The following RHAG variants were observed in gnomAD, a reference collection of about 807,000 sequenced individuals.
The protein encoded by RHAG is Rh associated glycoprotein.
In RHAG, 25 loss-of-function variants were observed where a neutral mutation model predicts 42.4. The ratio of observed to expected loss-of-function variants is 0.59; its 90% CI spans 0.43 to 0.82. The LOEUF is 0.82. RHAG is among the 40% of genes least tolerant of loss of function. The probability of loss-of-function intolerance (pLI) is 0.00; values close to 1 mark genes in which losing one functional copy is unlikely to be tolerated. For missense variants in RHAG, 483 were observed against 504.6 expected, an observed-to-expected ratio of 0.96 and a Z score of 0.41; for synonymous variants, 182 against 177.7, an observed-to-expected ratio of 1.02 and a Z score of -0.19.
At chr6:49,627,410 C>T (rs999379647) in intron 1 of RHAG, among the ~76,000 whole-genome samples, 12 of 152,182 alleles carry the variant, frequency 7.9e-5, no homozygotes, top group African/African-American at 2.9e-4. Context: ...AGTTCCCCAT[C>T]TCACTATCAC....
In RHAG at chr6:49,627,253, C is replaced by T. The variant is rs574392545; in HGVS notation, c.158-7891G>A. Among the ~76,000 whole-genome samples the T allele has an allele frequency of 5.9e-5, 9 of 152,310 alleles. No individual in the cohort carries two copies. The East Asian group carries it at 9.7e-4, about 16-fold the overall frequency. On this transcript the variant is annotated intron_variant, in intron 1 of 9. Coordinates refer to ENST00000371175, the MANE Select transcript of RHAG (RefSeq NM_000324.3). ...TAAACTTTTATGCTCTGTCACCTCTCGAATGCTTTGCTGCTAAGAAATTTC... is the reference window on the plus strand; with the variant it reads ...TAAACTTTTATGCTCTGTCACCTCTTGAATGCTTTGCTGCTAAGAAATTTC...
chr6:49,606,554 T>C (rs1444437899), intron 9 of RHAG, among the ~76,000 whole-genome samples: 1 of 152,118 alleles, frequency 6.6e-6, no homozygotes, highest in African/African-American at 2.4e-5. Flanking sequence ...ATTCAGTTTC[T>C]TTTCATTTAT....
At chr6:49,612,627 C>T (rs1762586512) in intron 5 of RHAG, 93 bp from the exon 6 acceptor site, 1 of 1,451,330 alleles carries the variant, frequency 6.9e-7, no homozygotes. Context: ...ACCCACATCA[C>T]ATTCTTCAGT....
intron 3 of RHAG, among the ~76,000 whole-genome samples, chr6:49,617,046 C>A (rs1408678312): frequency 6.6e-6 from 1 of 152,186 alleles, no homozygotes; most frequent in African/African-American, 2.4e-5. Context: ...TCAGCTAGCA[C>A]ACAGAGTTTA....
intron 1 of RHAG, among the ~76,000 whole-genome samples, chr6:49,622,569 A>G (rs943634941): frequency 1.3e-5 from 2 of 151,946 alleles, no homozygotes; most frequent in African/African-American, 4.8e-5. Context: ...CTCCTGACAC[A>G]CCATGACACC....
In RHAG at chr6:49,611,034, C is replaced by T. The variant is rs200557191; in HGVS notation, c.1057G>A (p.Ala353Thr). Residue 353 changes from alanine (A) to threonine (T), a missense_variant, in exon 7 of 10, where the codon GCC becomes ACC. By Grantham distance (58) the Ala-to-Thr change is moderately conservative. Coordinates refer to ENST00000371175, the MANE Select transcript of RHAG (RefSeq NM_000324.3). ...CATTCTTTTACTCACGTGTTGGAGG[C>T]GCCCATTGCTACTGCCACAATGCCT... ...LAGIVAVAMGASNTSMAMQAA... is the reference protein window; with the variant it reads ...LAGIVAVAMGTSNTSMAMQAA... The T allele has an allele frequency of 1.9e-4, 310 of 1,613,826 alleles. No individual in the cohort carries two copies. The highest frequency in any genetic ancestry group is 2.0e-4 in the Admixed American group (12 of 60,018).
At chr6:49,620,583 G>C (rs574417848) in intron 1 of RHAG, among the ~76,000 whole-genome samples, 1 of 152,182 alleles carries the variant, frequency 6.6e-6, no homozygotes, top group East Asian at 1.9e-4. Context: ...CCAGGATGGA[G>C]TGCAGTGGCA....
At chr6:49,620,180 C>G (rs1762729760) in intron 1 of RHAG, among the ~76,000 whole-genome samples, 2 of 152,034 alleles carry the variant, frequency 1.3e-5, no homozygotes, top group Non-Finnish European at 2.9e-5. Context: ...ACTGTGTGAC[C>G]CTGGGCAAGT....
At chr6:49,618,040 A>C (rs1162896651) in intron 3 of RHAG, 28 bp downstream of exon 3, 4 of 1,607,672 alleles carry the variant, frequency 2.5e-6, no homozygotes, top group African/African-American at 1.3e-5. Context: ...GCCCAAAGCT[A>C]GGAAAGTATA....
chr6:49,614,822 G>A lies in RHAG; in HGVS notation c.672C>T (p.Ser224=). The A allele has an allele frequency of 1.9e-6, 3 of 1,614,212 alleles. No individual in the cohort carries two copies. Among genetic ancestry groups the A allele is most frequent in the Non-Finnish European group, 2.5e-6 (3 of 1,180,032 alleles). ...GTLFLWMFWP[S]FNSAIAEPGD... is the part of the protein sequence containing the mutation. ...CAGGTTCAGCAATGGCCGAGTTAAA[G>A]CTGGGCCAAAACATCCACAGAAAGA... The change falls in exon 5 of 10, where the codon AGC becomes AGT. Residue 224 remains serine (S), a synonymous_variant. Coordinates refer to ENST00000371175, the MANE Select transcript of RHAG (RefSeq NM_000324.3).
rs146930867 is a variant in RHAG at position 49,610,247 on chromosome 6, A to G, written c.1067+777T>C. On this transcript the variant is annotated intron_variant, in intron 7 of 9. Transcript: ENST00000371175. Reference sequence around the variant, plus strand: ...ACTTAAAGTACACACAATTTAAAAAAATTGAGCATTCTGATTTTTCTTAAT... The same window carrying G: ...ACTTAAAGTACACACAATTTAAAAAGATTGAGCATTCTGATTTTTCTTAAT... Among the ~76,000 whole-genome samples, 6 of 152,284 alleles carry G rather than the reference A, an allele frequency of 3.9e-5. No homozygotes were observed. The East Asian group carries it at 9.6e-4, about 24-fold the overall frequency.
At position 49,619,040 on chromosome 6, in the gene RHAG, CCATT is replaced by C. The variant is rs1327138914; in HGVS notation, c.341+135_341+138del. ...GACCTCTTTCACAAGGACACTGATC[CCATT>C]CATAAACACTCTGCCTTCATGACCT... On this transcript the variant is annotated intron_variant, in intron 2 of 9. Coordinates refer to ENST00000371175, the MANE Select transcript of RHAG (RefSeq NM_000324.3). The C allele has an allele frequency of 1.1e-5, 10 of 906,492 alleles. No homozygotes were observed. In the East Asian group the frequency reaches 2.6e-4, roughly 24 times the overall value. 56.2% of individuals were successfully genotyped at this position (906,492 alleles called of 1,614,324 possible).
chr6:49,612,576 T>C (rs199560648), intron 5 of RHAG, 42 bp from the exon 6 acceptor site: 5 of 1,612,692 alleles, frequency 3.1e-6, no homozygotes, highest in Non-Finnish European at 4.2e-6. Context: ...AGCTGGATGA[T>C]GGAGAATTCA....
intron 1 of RHAG, among the ~76,000 whole-genome samples, chr6:49,622,053 C>G (rs1762767004): frequency 1.3e-5 from 2 of 150,878 alleles, no homozygotes; most frequent in Non-Finnish European, 2.9e-5. Context: ...GTGCAGTTAC[C>G]AAATGATATG....
At chr6:49,635,000 C>T (rs1416897635) in intron 1 of RHAG, among the ~76,000 whole-genome samples, 12 of 124,430 alleles carry the variant, frequency 9.6e-5, no homozygotes, top group South Asian at 2.6e-4. Flanking sequence ...CTGTGTGTGT[C>T]GGGGGGGTGG....
At chr6:49,619,645 T>C (rs913009892) in intron 1 of RHAG, among the ~76,000 whole-genome samples, 6 of 152,226 alleles carry the variant, frequency 3.9e-5, no homozygotes, top group African/African-American at 1.2e-4. Context: ...TACATTGTTT[T>C]CCACCTGAGG....
At chr6:49,627,259 C>T (rs918394987) in intron 1 of RHAG, among the ~76,000 whole-genome samples, 9 of 152,188 alleles carry the variant, frequency 5.9e-5, no homozygotes, top group African/African-American at 2.2e-4. Flanking sequence ...CTCTCGAATG[C>T]TTTGCTGCTA....
intron 1 of RHAG, among the ~76,000 whole-genome samples, chr6:49,630,028 G>C (rs1762910945): frequency 6.6e-6 from 1 of 152,232 alleles, no homozygotes; most frequent in Admixed American, 6.5e-5. Context: ...GGCTCCTCAA[G>C]TGCCGCCAAA....
At chr6:49,612,612 A>G in intron 5 of RHAG, 78 bp from the exon 6 acceptor site, 1 of 1,537,018 alleles carries the variant, frequency 6.5e-7, no homozygotes. Context: ...TCTAGAGTTC[A>G]AGAGACCCAC....
Sources: gnomAD v4.1 joint callset for allele counts (sites outside exome capture counted in the v4.1 genomes callset) on GRCh38, gnomAD v4.1.1 for gene constraint, MANE v1.5 for transcripts, NCBI Gene and HGNC (gene_info 2026-07-23, HGNC 2026-07-21) for gene names.